Variants in VAV2 observed in about 807,000 individuals in gnomAD.
The protein encoded by VAV2 is vav guanine nucleotide exchange factor 2, also known as guanine nucleotide exchange factor VAV2.
VAV2 carries 67 observed loss-of-function variants against 132.5 expected under a neutral mutation model. That is an observed-to-expected ratio of 0.51 (90% CI 0.42 to 0.62). The LOEUF is 0.62. Among genes scored for constraint, VAV2 ranks in the 20% least tolerant of loss-of-function variants. The pLI is 0.00. For synonymous variants in VAV2, 492 were observed against 443.5 expected, an observed-to-expected ratio of 1.11 and a Z score of -1.37; for missense variants, 938 against 1,153.6, an observed-to-expected ratio of 0.81 and a Z score of 2.71.
chr9:133,989,038 C>T (rs888568630), intron 1 of VAV2, among the ~76,000 whole-genome samples: 2 of 152,216 alleles, frequency 1.3e-5, no homozygotes, highest in Admixed American at 6.5e-5. Flanking sequence ...GGTAAAACCC[C>T]GTCTCTACTA....
At chr9:133,861,161 G>A in intron 3 of VAV2, 3 of 493,918 alleles carry the variant, frequency 6.1e-6, no homozygotes, top group Non-Finnish European at 1.1e-5. Flanking sequence ...TCAGTAACAT[G>A]CTTGCAAGAT....
chr9:133,887,924 G>A (rs531378526), intron 2 of VAV2, among the ~76,000 whole-genome samples: 639 of 152,306 alleles, frequency 4.2e-3, no homozygotes, highest in Non-Finnish European at 6.7e-3. Context: ...CCTCTTCCAC[G>A]TAGAGCAACG....
rs1837191958 is a variant in VAV2 at position 133,851,884 on chromosome 9, GAT to G, written c.380+9488_380+9489del. On this transcript the variant is annotated intron_variant, in intron 3 of 29. Coordinates refer to ENST00000371850, the MANE Select transcript of VAV2 (RefSeq NM_001134398.2). ...GGATAGGTGGGTGAATAAATGGATG[GAT>G]GCATGGATGGATGGATGGATGGGTG... Among the ~76,000 whole-genome samples, 8 of 148,652 alleles carry G rather than the reference GAT, an allele frequency of 5.4e-5. No homozygotes were observed. In the South Asian group the frequency reaches 1.7e-3, roughly 32 times the overall value.
At chr9:133,931,835 G>T (rs889090408) in intron 2 of VAV2, among the ~76,000 whole-genome samples, 1 of 152,196 alleles carries the variant, frequency 6.6e-6, no homozygotes, top group Non-Finnish European at 1.5e-5. Flanking sequence ...CCATGACCAG[G>T]CACCTGGGGA....
chr9:133,966,982 C>A (rs1842161237), intron 1 of VAV2, among the ~76,000 whole-genome samples: 1 of 143,756 alleles, frequency 7.0e-6, no homozygotes, highest in Non-Finnish European at 1.5e-5. Flanking sequence ...TGGCAGTAAG[C>A]CAAGATTGCA....
At position 133,796,635 on chromosome 9, in the gene VAV2, G is replaced by A. The variant is rs556577549; in HGVS notation, c.937-111C>T. On this transcript the variant is annotated intron_variant, in intron 10 of 29. Transcript: ENST00000371850. ...GACCTAAGCCCAGAACTCAGGCCCA[G>A]ACGTTTGGCCCTTCTCTAGCCAGGC... 156 of 970,466 alleles carry A rather than the reference G, an allele frequency of 1.6e-4. 1 individual carries two copies. In the African/African-American group the frequency reaches 2.2e-3, roughly 14 times the overall value. 60.1% of individuals were successfully genotyped at this position (970,466 alleles called of 1,614,324 possible).
chr9:133,922,977 T>G (rs183044503), intron 2 of VAV2, among the ~76,000 whole-genome samples: 4 of 152,188 alleles, frequency 2.6e-5, no homozygotes, highest in African/African-American at 9.7e-5. Context: ...ATCCACAATA[T>G]GTAAAGAACT....
At position 133,776,050 on chromosome 9, in the gene VAV2, T is replaced by C. The variant is rs1454312993; in HGVS notation, c.1996A>G (p.Ile666Val). 1.2e-6 allele frequency: 2 copies of C among 1,613,004 alleles called. No homozygotes were observed. The highest frequency in any genetic ancestry group is 1.1e-5 in the South Asian group (1 of 90,962). ...CACCAGGGGTATGCAGTGTAGTCGA[T>C]CTCCCGGGATGGCGGCCGGCTGATG... ...PPISRPPSRE[I>V]DYTAYPWFAG... The change falls in exon 24 of 30, where the codon ATC (isoleucine) becomes GTC (valine). Residue 666 changes from isoleucine (I) to valine (V), a missense_variant. Coordinates refer to ENST00000371850, the MANE Select transcript of VAV2 (RefSeq NM_001134398.2).
chr9:133,791,741 C>T, intron 13 of VAV2, 42 bp downstream of exon 13: 1 of 1,556,680 alleles, frequency 6.4e-7, no homozygotes, highest in Non-Finnish European at 8.9e-7. Context: ...ATAGGTACGT[C>T]CTCATCGACC....
chr9:133,864,621 C>A (rs982357729), intron 2 of VAV2, among the ~76,000 whole-genome samples: 1 of 152,234 alleles, frequency 6.6e-6, no homozygotes, highest in Non-Finnish European at 1.5e-5. Flanking sequence ...GTCCTACCCC[C>A]GCCACCCCAC....
chr9:133,787,192 C>T, intron 16 of VAV2, 54 bp downstream of exon 16: 1 of 1,516,798 alleles, frequency 6.6e-7, no homozygotes. Context: ...GAAGTGCCAG[C>T]ACCAGGCTGG....
chr9:133,977,694 A>G (rs1346520854), intron 1 of VAV2, among the ~76,000 whole-genome samples: 4 of 152,260 alleles, frequency 2.6e-5, no homozygotes, highest in Non-Finnish European at 4.4e-5. Context: ...GCAAGTGTCC[A>G]GAGCCTGCCC....
At chr9:133,828,590 C>T (rs1007725349) in intron 4 of VAV2, among the ~76,000 whole-genome samples, 15 of 152,366 alleles carry the variant, frequency 9.8e-5, no homozygotes, top group African/African-American at 2.9e-4. Context: ...GTCCTTCTAC[C>T]GTGCGGAGAA....
At chr9:133,867,403 G>A (rs1837849493) in intron 2 of VAV2, among the ~76,000 whole-genome samples, 1 of 152,214 alleles carries the variant, frequency 6.6e-6, no homozygotes. Context: ...GTGCCCCCAT[G>A]GTGGGGCCGC....
chr9:133,878,685 G>A (rs1838365228), intron 2 of VAV2, among the ~76,000 whole-genome samples: 1 of 152,210 alleles, frequency 6.6e-6, no homozygotes, highest in South Asian at 2.1e-4. Context: ...GTCTCAGGAG[G>A]AGGATTCCCA....
At chr9:133,854,362 C>T (rs981222008) in intron 3 of VAV2, among the ~76,000 whole-genome samples, 14 of 152,254 alleles carry the variant, frequency 9.2e-5, no homozygotes, top group South Asian at 4.1e-4. Flanking sequence ...CCCATACACA[C>T]GCACCATCTA....
At chr9:133,821,045 G>A (rs1038928888) in intron 4 of VAV2, among the ~76,000 whole-genome samples, 1 of 152,210 alleles carries the variant, frequency 6.6e-6, no homozygotes, top group East Asian at 1.9e-4. Flanking sequence ...TCCTTGAAAA[G>A]CACCTCAAGG....
chr9:133,963,020 G>C lies in VAV2; in HGVS notation c.205-23801C>G, dbSNP rs74580552. Among the ~76,000 whole-genome samples the C allele has an allele frequency of 5.2e-3, 797 of 152,258 alleles. 6 individuals are homozygous for C. Among genetic ancestry groups the C allele is most frequent in the African/African-American group, 0.019 (770 of 41,544 alleles). ...TTAGTCAATAATGTGATTGGGTACA[G>C]CTTTATTAACAGTCACTTTTATTTT... On this transcript the variant is annotated intron_variant, in intron 1 of 29. Transcript: ENST00000371850.
rs865927684 is a variant in VAV2 at position 133,802,063 on chromosome 9, T to C, written c.836+4018A>G. Among the ~76,000 whole-genome samples the C allele has an allele frequency of 6.6e-6, 1 of 152,056 alleles. No homozygotes were observed. On this transcript the variant is annotated intron_variant, in intron 9 of 29. Coordinates refer to ENST00000371850, the MANE Select transcript of VAV2 (RefSeq NM_001134398.2). This position sits in a 1 kb window ranked among gnomAD's most constrained non-coding sequence, Gnocchi z 5.8. ...TCCACACCACAGGACTCTGAGCACC[T>C]GCCACATACCAGGCAGCATGGGCCA...
Sources: allele counts gnomAD v4.1 joint callset (sites outside exome capture counted in the v4.1 genomes callset), GRCh38; gene constraint gnomAD v4.1.1; non-coding constraint Gnocchi (gnomAD v3.1); transcripts MANE v1.5; gene names NCBI Gene and HGNC (gene_info 2026-07-23, HGNC 2026-07-21).